NARS2: variants seen among roughly 807,000 people sequenced by gnomAD.
NARS2 encodes the protein asparaginyl-tRNA synthetase 2, mitochondrial.
Under a neutral mutation model 62.9 loss-of-function variants are expected in NARS2, and 60 were observed. That is an observed-to-expected ratio of 0.95 (90% confidence interval 0.77 to 1.18). The LOEUF (loss-of-function observed/expected upper bound fraction) is 1.18. NARS2 is among the 50% of genes most tolerant of loss of function. The probability of loss-of-function intolerance (pLI) is 0.00; values close to 1 mark genes in which losing one functional copy is unlikely to be tolerated. For missense variants in NARS2, 619 were observed against 576.4 expected (o/e 1.07, Z -0.76); for synonymous variants, 196 against 200.0 (o/e 0.98, Z 0.17).
chr11:78,545,038 A>G lies in NARS2; in HGVS notation c.594+14501T>C, dbSNP rs184519547. Among the ~76,000 whole-genome samples the G allele has an allele frequency of 4.5e-3, 685 of 152,284 alleles. 11 individuals are homozygous for G. The highest frequency in any genetic ancestry group is 5.4e-3 in the East Asian group (28 of 5,184). On this transcript the variant is annotated intron_variant, in intron 5 of 13. Coordinates refer to ENST00000281038, the MANE Select transcript of NARS2 (RefSeq NM_024678.6). ...TTAAGTCCTAATTTATAGTGGTCAAAGTCAGCAGTTCTTTATATCTCTATA... is the reference window on the plus strand; with the variant it reads ...TTAAGTCCTAATTTATAGTGGTCAAGGTCAGCAGTTCTTTATATCTCTATA...
At chr11:78,520,255 C>T (rs1378899198) in intron 6 of NARS2, among the ~76,000 whole-genome samples, 2 of 152,074 alleles carry the variant, frequency 1.3e-5, no homozygotes, top group African/African-American at 4.8e-5. Flanking sequence ...AGGGAAGAAT[C>T]CTTCCTTGCC....
intron 11 of NARS2, among the ~76,000 whole-genome samples, chr11:78,453,465 AC>A (rs1397443818): frequency 6.6e-6 from 1 of 152,168 alleles, no homozygotes; most frequent in East Asian, 1.9e-4. Context: ...TAAAAAAAAA[AC>A]ATAGGCTAGA....
chr11:78,568,012 G>C (rs1379567802), intron 3 of NARS2, among the ~76,000 whole-genome samples: 1 of 151,638 alleles, frequency 6.6e-6, no homozygotes. Flanking sequence ...TATATATGAA[G>C]CTAACAGAAG....
chr11:78,563,851 A>ATATAT (rs1555044245), intron 4 of NARS2, among the ~76,000 whole-genome samples: 17 of 33,992 alleles, frequency 5.0e-4, no homozygotes, highest in African/African-American at 1.6e-3. Context: ...AAAAAAAAAA[A>ATATAT]ATATATATAT....
intron 9 of NARS2, among the ~76,000 whole-genome samples, chr11:78,477,555 T>TG (rs1392676104): frequency 6.6e-6 from 1 of 152,224 alleles, no homozygotes; most frequent in Non-Finnish European, 1.5e-5. Context: ...TGGTCTGTGA[T>TG]GGTTAATTTT....
At chr11:78,555,277 A>C (rs2135504295) in intron 5 of NARS2, 1 of 152,186 alleles carries the variant, frequency 6.6e-6, no homozygotes, top group East Asian at 1.9e-4. Flanking sequence ...CCCCTCCATA[A>C]TTTTTTGGAA....
rs1324401838 is a variant in NARS2 at position 78,436,615 on chromosome 11, A to T, written c.*55T>A. The T allele has an allele frequency of 1.3e-6, 2 of 1,584,136 alleles. No individual in the cohort carries two copies. Among genetic ancestry groups the T allele is most frequent in the Admixed American group, 3.5e-5 (2 of 57,324 alleles). ...CAAACATGCATTCTGCTGTATGCAC[A>T]ATCATGTGCAGTGTCTCTGCCATGG... On this transcript the variant is annotated 3_prime_UTR_variant, in exon 14 of 14. Coordinates refer to ENST00000281038, the MANE Select transcript of NARS2 (RefSeq NM_024678.6).
At chr11:78,506,537 T>A (rs1860505697) in intron 6 of NARS2, among the ~76,000 whole-genome samples, 1 of 152,124 alleles carries the variant, frequency 6.6e-6, no homozygotes. Flanking sequence ...TTTGTCTGAT[T>A]TAACTGTTTT....
At chr11:78,443,029 A>T (rs1419257630) in intron 12 of NARS2, among the ~76,000 whole-genome samples, 1 of 152,152 alleles carries the variant, frequency 6.6e-6, no homozygotes, top group Non-Finnish European at 1.5e-5. Context: ...ATAAGATAAA[A>T]ATGTAGGACA....
intron 10 of NARS2, among the ~76,000 whole-genome samples, chr11:78,466,511 G>A (rs1858629599): frequency 6.6e-6 from 1 of 151,950 alleles, no homozygotes; most frequent in African/African-American, 2.4e-5. Context: ...GACAGAGTCT[G>A]GCTGTGTCGC....
At chr11:78,462,195 T>C (rs1412256438) in intron 11 of NARS2, among the ~76,000 whole-genome samples, 1 of 152,074 alleles carries the variant, frequency 6.6e-6, no homozygotes, top group Non-Finnish European at 1.5e-5. Context: ...GTGTGTGTGT[T>C]GGAGGGGGAG....
intron 1 of NARS2, among the ~76,000 whole-genome samples, chr11:78,574,071 G>A (rs1054772399): frequency 1.3e-5 from 2 of 152,190 alleles, no homozygotes; most frequent in African/African-American, 4.8e-5. Context: ...TAAAGATAGA[G>A]AAAGGGGGCT....
intron 6 of NARS2, among the ~76,000 whole-genome samples, chr11:78,525,577 A>C (rs1376910115): frequency 1.3e-5 from 2 of 152,152 alleles, no homozygotes; most frequent in African/African-American, 2.4e-5. Flanking sequence ...ATGATTACAC[A>C]AATAAAAAAT....
intron 6 of NARS2, among the ~76,000 whole-genome samples, chr11:78,527,935 C>T (rs1861348506): frequency 6.6e-6 from 1 of 152,120 alleles, no homozygotes; most frequent in Non-Finnish European, 1.5e-5. Context: ...ATGGTGAGAA[C>T]CCACCTCTAC....
At chr11:78,449,662 A>G (rs1205666256) in intron 11 of NARS2, among the ~76,000 whole-genome samples, 1 of 152,026 alleles carries the variant, frequency 6.6e-6, no homozygotes. Flanking sequence ...AGGTTTCTCA[A>G]TCTCAACATT....
At chr11:78,470,429 G>A (rs1463545485) in intron 9 of NARS2, among the ~76,000 whole-genome samples, 1 of 152,030 alleles carries the variant, frequency 6.6e-6, no homozygotes. Context: ...CATCCCTCTA[G>A]AGGATTTTAT....
In NARS2 at chr11:78,566,155, C is replaced by T. The variant is rs962909016; in HGVS notation, c.490G>A (p.Ala164Thr). The change falls in exon 4 of 14, where the codon GCT becomes ACT. Residue 164 changes from alanine to threonine, a missense_variant. Ala to Thr is a moderately conservative substitution (Grantham distance 58). Coordinates refer to ENST00000281038, the MANE Select transcript of NARS2 (RefSeq NM_024678.6). ...SILRIRSEAT[A>T]AIHSFFKDSG... is the part of the protein sequence containing the mutation. ...ACCTTAAAGAAAGAATGAATAGCAG[C>T]TGTCGCTTCACTGCGAATCCTCAAT... is the stretch of plus-strand genomic sequence containing the variant. 6.2e-7 allele frequency: 1 copy of T among 1,609,940 alleles called. No individual in the cohort carries two copies. The highest frequency in any genetic ancestry group is 1.1e-5 in the South Asian group (1 of 90,198).
intron 12 of NARS2, among the ~76,000 whole-genome samples, chr11:78,441,549 A>G (rs944056667): frequency 2.6e-5 from 4 of 152,072 alleles, no homozygotes; most frequent in Non-Finnish European, 4.4e-5. Context: ...CATCTCTACT[A>G]AAAATACAAA....
intron 5 of NARS2, among the ~76,000 whole-genome samples, chr11:78,552,534 C>T (rs935072764): frequency 6.6e-6 from 1 of 152,158 alleles, no homozygotes; most frequent in African/African-American, 2.4e-5. Flanking sequence ...AAAAGTCAAG[C>T]CGGGAACTGC....
Sources: gnomAD v4.1 joint callset for allele counts (sites outside exome capture counted in the v4.1 genomes callset) on GRCh38, gnomAD v4.1.1 for gene constraint, MANE v1.5 for transcripts, NCBI Gene and HGNC (gene_info 2026-07-23, HGNC 2026-07-21) for gene names.